PAPSS2: variants seen among roughly 807,000 people sequenced by gnomAD.
PAPSS2 encodes bifunctional 3'-phosphoadenosine 5'-phosphosulfate synthase 2.
In PAPSS2, 61 loss-of-function variants were observed where a neutral mutation model predicts 66.5. That is an observed-to-expected ratio of 0.92 (90% confidence interval 0.75 to 1.14). The LOEUF is 1.14. Ranked by LOEUF, PAPSS2 falls within the 50% of genes most tolerant of loss-of-function variation. PAPSS2 has a pLI of 0.00. For synonymous variants in PAPSS2, 289 were observed against 287.5 expected, an observed-to-expected ratio of 1.01 and a Z score of -0.05; for missense variants, 708 against 789.6, an observed-to-expected ratio of 0.90 and a Z score of 1.24.
At chr10:87,707,952 C>T (rs992339355) in intron 1 of PAPSS2, among the ~76,000 whole-genome samples, 8 of 152,160 alleles carry the variant, frequency 5.3e-5, no homozygotes, top group Non-Finnish European at 1.2e-4. Context: ...ATTTAAAAGG[C>T]TCATAGATTT....
intron 1 of PAPSS2, among the ~76,000 whole-genome samples, chr10:87,666,550 C>A (rs988968650): frequency 6.6e-6 from 1 of 151,944 alleles, no homozygotes; most frequent in African/African-American, 2.4e-5. Flanking sequence ...GGAGTGCTCA[C>A]CTTGTCTTGG....
intron 1 of PAPSS2, among the ~76,000 whole-genome samples, chr10:87,665,456 C>T (rs1423704204): frequency 1.3e-5 from 2 of 152,190 alleles, no homozygotes; most frequent in African/African-American, 4.8e-5. Context: ...CGTGATCTGC[C>T]CGCCTCGGCC....
intron 9 of PAPSS2, among the ~76,000 whole-genome samples, chr10:87,729,795 G>A (rs1408295706): frequency 6.6e-6 from 1 of 152,064 alleles, no homozygotes; most frequent in African/African-American, 2.4e-5. Context: ...TCAGGAGTCC[G>A]AGACCAGCCT....
intron 1 of PAPSS2, among the ~76,000 whole-genome samples, chr10:87,678,488 A>G (rs1448053607): frequency 6.6e-6 from 1 of 152,194 alleles, no homozygotes; most frequent in African/African-American, 2.4e-5. Context: ...CAAAGGAAAC[A>G]ATCAACAGCA....
chr10:87,738,368 C>T (rs1398582765), intron 9 of PAPSS2, among the ~76,000 whole-genome samples: 3 of 152,030 alleles, frequency 2.0e-5, no homozygotes, highest in Non-Finnish European at 4.4e-5. Flanking sequence ...TATTTTTCTA[C>T]ATCCTCACCA....
chr10:87,712,146 G>T (rs970290916), intron 2 of PAPSS2, among the ~76,000 whole-genome samples: 1 of 152,118 alleles, frequency 6.6e-6, no homozygotes, highest in Non-Finnish European at 1.5e-5. Flanking sequence ...AGACTCTAGA[G>T]AATCTTTACA....
intron 8 of PAPSS2, among the ~76,000 whole-genome samples, chr10:87,724,084 C>G (rs1357554715): frequency 6.6e-6 from 1 of 151,968 alleles, no homozygotes; most frequent in Non-Finnish European, 1.5e-5. Context: ...AGAGAATAGC[C>G]TATTTGTGAG....
rs750410369 is a variant in PAPSS2, at chr10:87,745,954, C to T, written c.1844C>T (p.Ser615Phe). 3.1e-6 allele frequency: 5 copies of T among 1,614,010 alleles called. No individual in the cohort carries two copies. The highest frequency in any genetic ancestry group is 4.2e-6 in the Non-Finnish European group (5 of 1,179,920). The change falls in exon 13 of 13, where the codon TCC becomes TTC. Residue 615 changes from serine to phenylalanine, a missense_variant. Transcript: ENST00000456849. Reference sequence around the variant, plus strand: ...AAGGTCCTGACAGATTATTACAGGTCCCTGGAGAAGAACTAAGCCTTTGGC... The same window carrying T: ...AAGGTCCTGACAGATTATTACAGGTTCCTGGAGAAGAACTAAGCCTTTGGC... ...AWKVLTDYYR[S>F]LEKN
Position 87,745,114 on chromosome 10 carries a change from C to T in PAPSS2, c.1604C>T (p.Thr535Ile). The change falls in exon 12 of 13, where the codon ACT (threonine) becomes ATT (isoleucine). Residue 535 changes from threonine (T) to isoleucine (I), a missense_variant. Physicochemically the swap from Thr to Ile is moderately conservative, Grantham distance 89 (BLOSUM62 -1). Transcript: ENST00000456849. ...ACCAAGAAGGATCTGTATGAACCCA[C>T]TCATGGGGGCAAGGTCTTGAGCATG... is the stretch of plus-strand genomic sequence containing the variant. ...PETKKDLYEP[T>I]HGGKVLSMAP... The T allele has an allele frequency of 6.2e-7, 1 of 1,614,182 alleles. No individual in the cohort carries two copies.
At chr10:87,665,496 C>G in intron 1 of PAPSS2, among the ~76,000 whole-genome samples, 1 of 152,202 alleles carries the variant, frequency 6.6e-6, no homozygotes, top group East Asian at 1.9e-4. Context: ...CAGGCGTGAG[C>G]CACCGTGCCC....
At chr10:87,690,398 A>C (rs772731408) in intron 1 of PAPSS2, among the ~76,000 whole-genome samples, 77 of 152,356 alleles carry the variant, frequency 5.1e-4, no homozygotes, top group Non-Finnish European at 9.8e-4. Flanking sequence ...AGAGCATGTA[A>C]GGAACGAATA....
intron 6 of PAPSS2, among the ~76,000 whole-genome samples, 190 bp from the exon 7 acceptor site, chr10:87,715,542 A>T (rs1204606617): frequency 6.6e-6 from 1 of 152,254 alleles, no homozygotes; most frequent in Admixed American, 6.5e-5. Context: ...CCACTATTTC[A>T]TAGGAAACTT....
chr10:87,728,831 A>T (rs1040490942), intron 9 of PAPSS2, among the ~76,000 whole-genome samples: 3 of 152,124 alleles, frequency 2.0e-5, no homozygotes, highest in Non-Finnish European at 2.9e-5. Context: ...TTTGGTCTTC[A>T]TTTTTGTTAC....
At chr10:87,707,371 T>TATCTGGTTTGGGGGGTGTCTACAGTGA (rs1853404160) in intron 1 of PAPSS2, among the ~76,000 whole-genome samples, 1 of 152,176 alleles carries the variant, frequency 6.6e-6, no homozygotes, top group Non-Finnish European at 1.5e-5. Context: ...GATTCCAGCC[T>TATCTGGTTTGGGGGGTGTCTACAGTGA]ATCTGGTTTG....
chr10:87,694,641 G>A (rs1417522346), intron 1 of PAPSS2, among the ~76,000 whole-genome samples: 3 of 152,204 alleles, frequency 2.0e-5, no homozygotes, highest in African/African-American at 7.2e-5. Context: ...TAGAAAATAT[G>A]GCTGAAAGGT....
intron 9 of PAPSS2, among the ~76,000 whole-genome samples, chr10:87,740,840 T>A (rs1041321231): frequency 5.3e-5 from 8 of 152,074 alleles, no homozygotes; most frequent in Non-Finnish European, 1.0e-4. Context: ...TGCAAATATG[T>A]AAAACAATAC....
intron 1 of PAPSS2, among the ~76,000 whole-genome samples, chr10:87,674,807 C>A (rs760682574): frequency 4.6e-5 from 7 of 151,948 alleles, no homozygotes; most frequent in Non-Finnish European, 5.9e-5. Flanking sequence ...ATTTTGTTAC[C>A]GTAATTCTTT....
chr10:87,668,811 G>T (rs887297147), intron 1 of PAPSS2, among the ~76,000 whole-genome samples: 1 of 152,028 alleles, frequency 6.6e-6, no homozygotes, highest in Non-Finnish European at 1.5e-5. Context: ...GCCATTCTTT[G>T]GCTTGACTGG....
At chr10:87,720,808 G>A (rs913457694) in intron 7 of PAPSS2, among the ~76,000 whole-genome samples, 3 of 152,086 alleles carry the variant, frequency 2.0e-5, no homozygotes, top group African/African-American at 7.2e-5. Flanking sequence ...TGTAGTATGA[G>A]TCACTCCATA....
Sources: allele counts gnomAD v4.1 joint callset (sites outside exome capture counted in the v4.1 genomes callset), GRCh38; gene constraint gnomAD v4.1.1; transcripts MANE v1.5; gene names NCBI Gene and HGNC (gene_info 2026-07-23, HGNC 2026-07-21).